Variants in PDE4D observed in about 807,000 individuals in gnomAD.
PDE4D encodes the protein phosphodiesterase 4D.
A neutral mutation model predicts 87.4 loss-of-function variants in PDE4D; 24 were observed. The observed-to-expected ratio is 0.27, with a 90% CI of 0.20 to 0.39. PDE4D has a LOEUF of 0.39. Ranked by LOEUF, PDE4D falls within the 10% of genes least tolerant of loss-of-function variation. The probability of loss-of-function intolerance (pLI) is 1.00; values close to 1 mark genes in which losing one functional copy is unlikely to be tolerated. For missense variants in PDE4D, 714 were observed against 1,041.0 expected (o/e 0.69, Z 4.32); for synonymous variants, 384 against 383.2 (o/e 1.00, Z -0.02).
At chr5:60,284,256 T>C (rs1441641696) in intron 1 of PDE4D, among the ~76,000 whole-genome samples, 1 of 152,174 alleles carries the variant, frequency 6.6e-6, no homozygotes, top group Non-Finnish European at 1.5e-5. Flanking sequence ...AAATTAAAAA[T>C]TAATGTTAAA....
intron 5 of PDE4D, among the ~76,000 whole-genome samples, chr5:59,147,429 C>T (rs1778834015): frequency 6.6e-6 from 1 of 151,636 alleles, no homozygotes; most frequent in African/African-American, 2.4e-5. Context: ...TTTTCTAAAC[C>T]CTCAAATTAT....
chr5:60,493,905 T>A (rs1352625298), intron 1 of PDE4D, among the ~76,000 whole-genome samples: 2 of 152,102 alleles, frequency 1.3e-5, no homozygotes, highest in Admixed American at 1.3e-4. Context: ...ACTTACCACA[T>A]AAATTAGCAC....
intron 1 of PDE4D, among the ~76,000 whole-genome samples, chr5:59,239,505 G>T (rs1206028588): frequency 6.6e-6 from 1 of 152,096 alleles, no homozygotes; most frequent in Non-Finnish European, 1.5e-5. Context: ...AATCACAATA[G>T]ATAATAACAA....
intron 1 of PDE4D, among the ~76,000 whole-genome samples, chr5:59,844,101 G>GT (rs1387000391): frequency 3.9e-5 from 6 of 152,052 alleles, no homozygotes; most frequent in African/African-American, 1.4e-4. Flanking sequence ...TCCTGAGCTT[G>GT]TTTTTCAACC....
chr5:59,503,212 T>C (rs1450263153), intron 1 of PDE4D, among the ~76,000 whole-genome samples: 1 of 152,150 alleles, frequency 6.6e-6, no homozygotes, highest in Non-Finnish European at 1.5e-5. Flanking sequence ...GGCAAAGTGA[T>C]AAAAGTTCAG....
intron 2 of PDE4D, among the ~76,000 whole-genome samples, chr5:60,102,871 T>C (rs1419297144): frequency 6.6e-6 from 1 of 152,036 alleles, no homozygotes; most frequent in African/African-American, 2.4e-5. Flanking sequence ...GTCAACTGAA[T>C]ACCAGTGTTC....
At chr5:59,981,415 T>C (rs562755080) in intron 3 of PDE4D, among the ~76,000 whole-genome samples, 35 of 152,344 alleles carry the variant, frequency 2.3e-4, no homozygotes, top group African/African-American at 8.2e-4. Context: ...ATAAATTGCA[T>C]GTAAATCAAT....
Position 59,912,157 on chromosome 5 carries a change from T to C in PDE4D, c.272+76331A>G, listed in dbSNP as rs73761046. Among the ~76,000 whole-genome samples the C allele has an allele frequency of 5.2e-3, 797 of 152,302 alleles. 3 individuals are homozygous for C. Among genetic ancestry groups the C allele is most frequent in the African/African-American group, 0.018 (768 of 41,576 alleles). On this transcript the variant is annotated intron_variant, in intron 3 of 16. Transcript: ENST00000502484. ...TAAGGATATAATAACACGTGAATGT[T>C]GCCGTCTAGTTATTTGTTTGTTATC...
At chr5:59,683,437 G>A (rs1283154533) in intron 1 of PDE4D, among the ~76,000 whole-genome samples, 1 of 152,096 alleles carries the variant, frequency 6.6e-6, no homozygotes, top group African/African-American at 2.4e-5. Flanking sequence ...GATATTTAAA[G>A]TTAGAATTGT....
At chr5:59,363,348 CG>C (rs557013585) in intron 1 of PDE4D, among the ~76,000 whole-genome samples, 355 of 152,182 alleles carry the variant, frequency 2.3e-3, no homozygotes, top group Non-Finnish European at 3.9e-3. Context: ...ACTGAGGAAA[CG>C]AAGACTTACG....
At chr5:59,835,542 T>C (rs542477319) in intron 1 of PDE4D, among the ~76,000 whole-genome samples, 6 of 152,214 alleles carry the variant, frequency 3.9e-5, no homozygotes, top group African/African-American at 1.2e-4. Context: ...TTCTTTCATC[T>C]TGTATTTCAT....
At chr5:60,451,153 G>T (rs1035957403) in intron 1 of PDE4D, among the ~76,000 whole-genome samples, 2 of 152,032 alleles carry the variant, frequency 1.3e-5, no homozygotes, top group Non-Finnish European at 2.9e-5. Flanking sequence ...CGGAAGCCCA[G>T]TGTCTTGTCA....
intron 1 of PDE4D, among the ~76,000 whole-genome samples, chr5:60,331,166 G>C (rs1757280990): frequency 6.6e-6 from 1 of 152,168 alleles, no homozygotes; most frequent in Non-Finnish European, 1.5e-5. Flanking sequence ...TAACAAGGTA[G>C]AAAAATACAT....
At chr5:60,098,363 T>C (rs1775891481) in intron 2 of PDE4D, among the ~76,000 whole-genome samples, 1 of 151,950 alleles carries the variant, frequency 6.6e-6, no homozygotes, top group African/African-American at 2.4e-5. Flanking sequence ...AATCTGTATA[T>C]TACATGGACA....
At position 59,972,223 on chromosome 5, in the gene PDE4D, A is replaced by G. The variant is rs115399697; in HGVS notation, c.272+16265T>C. On this transcript the variant is annotated intron_variant, in intron 3 of 16. Transcript: ENST00000502484. Reference sequence around the variant, plus strand: ...GCATGCAGAGGGAATGCATATTCCTACTCCCCTAGTGGAAGGCTAGGTCCT... The same window carrying G: ...GCATGCAGAGGGAATGCATATTCCTGCTCCCCTAGTGGAAGGCTAGGTCCT... Among the ~76,000 whole-genome samples, 509 of 152,042 alleles carry G rather than the reference A, an allele frequency of 3.3e-3. 4 individuals carry two copies. Among genetic ancestry groups the G allele is most frequent in the African/African-American group, 0.012 (493 of 41,476 alleles).
intron 5 of PDE4D, among the ~76,000 whole-genome samples, chr5:59,097,195 A>G (rs1235185741): frequency 6.6e-6 from 1 of 152,222 alleles, no homozygotes; most frequent in Non-Finnish European, 1.5e-5. Context: ...CAAAGAGACA[A>G]ACAGACACAT....
chr5:59,993,038 T>C (rs1763167909), intron 2 of PDE4D, among the ~76,000 whole-genome samples: 1 of 152,142 alleles, frequency 6.6e-6, no homozygotes, highest in Non-Finnish European at 1.5e-5. Flanking sequence ...TGTTAGAAAA[T>C]GGCATTATGG....
intron 1 of PDE4D, among the ~76,000 whole-genome samples, chr5:60,295,855 T>G (rs1290350319): frequency 6.6e-6 from 1 of 152,202 alleles, no homozygotes; most frequent in Non-Finnish European, 1.5e-5. Flanking sequence ...TTAGTCCACC[T>G]GGGCTGCCAT....
At position 59,185,170 on chromosome 5, in the gene PDE4D, G is replaced by A. The variant is rs535410663; in HGVS notation, c.758+19C>T. On this transcript the variant is annotated intron_variant, in intron 4 of 14. Coordinates refer to ENST00000340635, the MANE Select transcript of PDE4D (RefSeq NM_001104631.2). ...TTAAAAGTTCAGCAAAAAAGAGGGGGGAAAAAAGGATATCTTACTTGCTAG... is the reference window on the plus strand; with the variant it reads ...TTAAAAGTTCAGCAAAAAAGAGGGGAGAAAAAAGGATATCTTACTTGCTAG... 3.1e-6 allele frequency: 5 copies of A among 1,593,346 alleles called. No individual in the cohort carries two copies. The highest frequency in any genetic ancestry group is 2.7e-5 in the African/African-American group (2 of 74,344).
Sources: allele counts gnomAD v4.1 joint callset (sites outside exome capture counted in the v4.1 genomes callset), GRCh38; gene constraint gnomAD v4.1.1; transcripts MANE v1.5; gene names NCBI Gene and HGNC (gene_info 2026-07-23, HGNC 2026-07-21).